Variants in ATP8A2 observed in about 807,000 individuals in gnomAD.
The protein encoded by ATP8A2 is phospholipid-transporting ATPase IB.
Under a neutral mutation model 165.6 loss-of-function variants are expected in ATP8A2, and 100 were observed. The observed-to-expected ratio is 0.60, with a 90% confidence interval of 0.51 to 0.71. ATP8A2 has a LOEUF of 0.71. Among genes scored for constraint, ATP8A2 ranks in the 30% least tolerant of loss-of-function variants. The probability of loss-of-function intolerance (pLI) is 0.00; values close to 1 mark genes in which losing one functional copy is unlikely to be tolerated. For missense variants in ATP8A2, 1,227 were observed against 1,479.5 expected, an observed-to-expected ratio of 0.83 and a Z score of 2.80; for synonymous variants, 543 against 548.8, an observed-to-expected ratio of 0.99 and a Z score of 0.15.
rs115077874 is a variant in ATP8A2 at position 25,489,047 on chromosome 13, T to C, written c.221+19926T>C. Among the ~76,000 whole-genome samples, 800 of 152,082 alleles carry C rather than the reference T, an allele frequency of 5.3e-3. 5 individuals are homozygous for C. Among genetic ancestry groups the C allele is most frequent in the African/African-American group, 0.019 (773 of 41,490 alleles). On this transcript the variant is annotated intron_variant, in intron 2 of 36. Coordinates refer to ENST00000381655, the MANE Select transcript of ATP8A2 (RefSeq NM_016529.6). The stretch of plus-strand genomic sequence containing the variant: ...AGATCTGCTTTTTTGTTGAGTGGAT[T>C]GTTTTCATGGCACTGGCGCTGGTTC...
rs866948763 is a variant in ATP8A2 at position 25,813,668 on chromosome 13, A to G, written c.2680-14450A>G. Among the ~76,000 whole-genome samples, 15 of 151,752 alleles carry G rather than the reference A, an allele frequency of 9.9e-5. No individual in the cohort carries two copies. The South Asian group carries it at 1.7e-3, about 17-fold the overall frequency. On this transcript the variant is annotated intron_variant, in intron 27 of 36. Transcript: ENST00000381655. ...GAAGCATTTCCAGAATTGAGGTTCTAGCCATGTGTCCCCAGTACCCTGTGA... is the reference window on the plus strand; with the variant it reads ...GAAGCATTTCCAGAATTGAGGTTCTGGCCATGTGTCCCCAGTACCCTGTGA...
At chr13:25,919,218 A>T (rs1335833729) in intron 33 of ATP8A2, among the ~76,000 whole-genome samples, 3 of 152,208 alleles carry the variant, frequency 2.0e-5, no homozygotes, top group Non-Finnish European at 4.4e-5. Context: ...CACAGTTAAG[A>T]CTCAGACCTG....
chr13:25,742,135 C>T (rs1027519403), intron 25 of ATP8A2, among the ~76,000 whole-genome samples: 5 of 152,144 alleles, frequency 3.3e-5, no homozygotes, highest in Admixed American at 6.5e-5. Context: ...TAGCCTGTTG[C>T]TCCTAGGCTA....
chr13:25,627,114 G>C (rs561856106), intron 24 of ATP8A2, among the ~76,000 whole-genome samples: 1 of 152,230 alleles, frequency 6.6e-6, no homozygotes, highest in East Asian at 1.9e-4. Context: ...TCAGTGAGGA[G>C]CTATTTCTGG....
rs368444973 is a variant in ATP8A2, at chr13:25,801,973, A to G, written c.2680-26145A>G. Among the ~76,000 whole-genome samples the G allele has an allele frequency of 8.0e-4, 121 of 152,200 alleles. 1 individual carries two copies. The highest frequency in any genetic ancestry group is 3.1e-3 in the South Asian group (15 of 4,806). On this transcript the variant is annotated intron_variant, in intron 27 of 36. Transcript: ENST00000381655. ...GAACTCCCTCATTATCACGAGAATAACATGTAGGTATCTGCCCCCATGATT... is the reference window on the plus strand; with the variant it reads ...GAACTCCCTCATTATCACGAGAATAGCATGTAGGTATCTGCCCCCATGATT...
chr13:25,597,230 T>G (rs1211730786), intron 24 of ATP8A2, among the ~76,000 whole-genome samples: 5 of 152,216 alleles, frequency 3.3e-5, no homozygotes, highest in Non-Finnish European at 7.3e-5. Context: ...TCCATTTTCT[T>G]ACCAGTGTTA....
intron 1 of ATP8A2, among the ~76,000 whole-genome samples, chr13:25,461,981 A>G (rs933542254): frequency 6.6e-6 from 1 of 152,140 alleles, no homozygotes; most frequent in African/African-American, 2.4e-5. Context: ...GATTTATGTA[A>G]TCGATTTCTA....
chr13:25,564,043 G>GT lies in ATP8A2; in HGVS notation c.1473+16dup. 6.3e-7 allele frequency: 1 copy of GT among 1,597,126 alleles called. No individual in the cohort carries two copies. The highest frequency in any genetic ancestry group is 8.6e-7 in the Non-Finnish European group (1 of 1,164,540). ...TTGAGGATCGCCATGTAAGTGCTCT[G>GT]TTTTACTTCGAAGACAGCAAACAGC... On this transcript the variant is annotated intron_variant, in intron 16 of 36. Coordinates refer to ENST00000381655, the MANE Select transcript of ATP8A2 (RefSeq NM_016529.6).
At chr13:25,418,678 G>A (rs1272635865) in intron 1 of ATP8A2, among the ~76,000 whole-genome samples, 1 of 152,178 alleles carries the variant, frequency 6.6e-6, no homozygotes, top group Non-Finnish European at 1.5e-5. Context: ...CCACCTGACA[G>A]CATTTGCATG....
At chr13:25,473,448 ATATG>A (rs1157730594) in intron 2 of ATP8A2, among the ~76,000 whole-genome samples, 2 of 152,176 alleles carry the variant, frequency 1.3e-5, no homozygotes, top group East Asian at 3.8e-4. Context: ...GTTTATATAC[ATATG>A]TAAGATTATG....
At chr13:25,636,205 C>A (rs2041363426) in intron 24 of ATP8A2, among the ~76,000 whole-genome samples, 1 of 152,092 alleles carries the variant, frequency 6.6e-6, no homozygotes, top group South Asian at 2.1e-4. Context: ...TCTCAAACAA[C>A]TTAGTGTCAA....
intron 33 of ATP8A2, among the ~76,000 whole-genome samples, chr13:25,893,047 C>CT (rs891551257): frequency 6.6e-6 from 1 of 151,218 alleles, no homozygotes; most frequent in Non-Finnish European, 1.5e-5. Context: ...AGAAAATTTT[C>CT]TTTTTTTTAT....
At chr13:25,415,242 A>G (rs1048718889) in intron 1 of ATP8A2, among the ~76,000 whole-genome samples, 1 of 152,198 alleles carries the variant, frequency 6.6e-6, no homozygotes, top group African/African-American at 2.4e-5. Flanking sequence ...TGTACTCTCC[A>G]TGCATCCAGT....
At chr13:25,539,618 A>G (rs1207764788) in intron 7 of ATP8A2, among the ~76,000 whole-genome samples, 14 of 152,164 alleles carry the variant, frequency 9.2e-5, no homozygotes. Context: ...ACAATTTGCC[A>G]AGGCCATATA....
At chr13:25,954,590 C>G (rs1593621089) in intron 33 of ATP8A2, among the ~76,000 whole-genome samples, 1 of 152,232 alleles carries the variant, frequency 6.6e-6, no homozygotes, top group Admixed American at 6.5e-5. Flanking sequence ...CAGGGGTTGA[C>G]AGACACCTCA....
At position 25,531,200 on chromosome 13, in the gene ATP8A2, TATG is replaced by T. The variant is rs1296355557; in HGVS notation, c.420+543_420+545del. Among the ~76,000 whole-genome samples, 129 of 143,864 alleles carry T rather than the reference TATG, an allele frequency of 9.0e-4. 1 individual carries two copies. The highest frequency in any genetic ancestry group is 2.8e-3 in the African/African-American group (110 of 39,074). The allele number at this position is 143,864 out of a possible 152,430, so 94.4% of individuals were successfully genotyped here. ...ATATATATATGTTATATATGTTATA[TATG>T]ATATATGTTATATATGATATATGTT... On this transcript the variant is annotated intron_variant, in intron 4 of 36. Transcript: ENST00000381655.
chr13:26,012,634 G>C lies in ATP8A2; in HGVS notation c.3469+12G>C, dbSNP rs759115554. On this transcript the variant is annotated intron_variant, in intron 36 of 36. Transcript: ENST00000381655. ...GCAGGGCGTCCCGCGTGAGTACCGC[G>C]GGCGGGGGCTGATGGAGGAGTGGGT... 3 of 1,471,450 alleles carry C rather than the reference G, an allele frequency of 2.0e-6. No individual in the cohort carries two copies. In the South Asian group the frequency reaches 4.1e-5, roughly 20 times the overall value. The allele number at this position is 1,471,450 out of a possible 1,614,324, so 91.1% of individuals were successfully genotyped here. A position where few individuals can be genotyped will look rare whatever the true frequency, so the allele number is the denominator to read the frequency against.
chr13:25,395,649 G>T (rs887301968), intron 1 of ATP8A2, among the ~76,000 whole-genome samples: 8 of 152,034 alleles, frequency 5.3e-5, no homozygotes, highest in African/African-American at 1.9e-4. Flanking sequence ...GATCCTCCCA[G>T]CTCAGTCTAT....
chr13:25,509,844 A>T (rs1166185770), intron 2 of ATP8A2, among the ~76,000 whole-genome samples: 1 of 152,184 alleles, frequency 6.6e-6, no homozygotes, highest in Admixed American at 6.5e-5. Flanking sequence ...ATAAGTGAAT[A>T]TGCAAGAACC....
Sources: allele counts gnomAD v4.1 joint callset (sites outside exome capture counted in the v4.1 genomes callset), GRCh38; gene constraint gnomAD v4.1.1; transcripts MANE v1.5; gene names NCBI Gene and HGNC (gene_info 2026-07-23, HGNC 2026-07-21).